Variants in FKBP8 observed in about 807,000 individuals in gnomAD.
The protein encoded by FKBP8 is FKBP prolyl isomerase 8, also known as peptidyl-prolyl cis-trans isomerase FKBP8.
A neutral mutation model predicts 41.7 loss-of-function variants in FKBP8; 5 were observed. The observed-to-expected ratio is 0.12, with a 90% confidence interval of 0.06 to 0.25. The LOEUF (loss-of-function observed/expected upper bound fraction) is 0.25. FKBP8 is among the 10% of genes least tolerant of loss of function. The pLI is 1.00. For missense variants in FKBP8, 397 were observed against 563.0 expected (o/e 0.71, Z 2.98); for synonymous variants, 279 against 254.5 (o/e 1.10, Z -0.92).
chr19:18,537,914 T>C lies in FKBP8; in HGVS notation c.773-141A>G, dbSNP rs537997919. On this transcript the variant is annotated intron_variant, in intron 5 of 8. Coordinates refer to ENST00000608443, the MANE Select transcript of FKBP8 (RefSeq NM_012181.5). The surrounding 1 kb of genome is among the most constrained non-coding windows in gnomAD (Gnocchi z 4.4). ...ACCAAGGGCCACGCTTTCCTGGGGC[T>C]CTCCTGAGGAAGCTACAAGATGGAG... is the stretch of plus-strand genomic sequence containing the variant. 6.2e-5 allele frequency: 56 copies of C among 896,656 alleles called. No homozygotes were observed. The African/African-American group carries it at 8.7e-4, about 14-fold the overall frequency. The allele number at this position is 896,656 out of a possible 1,614,324, so 55.5% of individuals were successfully genotyped here.
rs1487046154 is a variant in FKBP8, at chr19:18,538,798, C to A, written c.552-362G>T. 6.6e-6 allele frequency among the ~76,000 whole-genome samples: 1 copy of A among 150,750 alleles called. No individual in the cohort carries two copies. ...CAGTAGCTGGGACTACAGGTGTGCA[C>A]CACACCCAGCTTTTTTTTTTTTTTT... On this transcript the variant is annotated intron_variant, in intron 4 of 8. Coordinates refer to ENST00000608443, the MANE Select transcript of FKBP8 (RefSeq NM_012181.5). The surrounding 1 kb of genome is among the most constrained non-coding windows in gnomAD (Gnocchi z 4.0).
chr19:18,535,045 A>C (rs1976542365), intron 6 of FKBP8, among the ~76,000 whole-genome samples: 1 of 152,060 alleles, frequency 6.6e-6, no homozygotes, highest in African/African-American at 2.4e-5. Context: ...TCAGCCTCCC[A>C]AAGTGCTGGT....
intron 1 of FKBP8, among the ~76,000 whole-genome samples, chr19:18,542,658 G>A (rs1976732179): frequency 6.6e-6 from 1 of 151,768 alleles, no homozygotes; most frequent in African/African-American, 2.4e-5. Flanking sequence ...AGGGACCCTG[G>A]CCCAAATCCT....
rs1320205560 is a variant in FKBP8 at position 18,538,704 on chromosome 19, G to A, written c.552-268C>T. Among the ~76,000 whole-genome samples the A allele has an allele frequency of 6.6e-6, 1 of 151,934 alleles. No individual in the cohort carries two copies. Among genetic ancestry groups the A allele is most frequent in the African/African-American group, 2.4e-5 (1 of 41,338 alleles). On this transcript the variant is annotated intron_variant, in intron 4 of 8. Coordinates refer to ENST00000608443, the MANE Select transcript of FKBP8 (RefSeq NM_012181.5). This position sits in a 1 kb window ranked among gnomAD's most constrained non-coding sequence, Gnocchi z 4.0. ...ACTCTGTTGCCCGGGCTGGAGTGCAGTGGTGCAATCTTGGCTCACTGCAGC... is the reference window on the plus strand; with the variant it reads ...ACTCTGTTGCCCGGGCTGGAGTGCAATGGTGCAATCTTGGCTCACTGCAGC...
Position 18,538,572 on chromosome 19 carries a change from T to A in FKBP8, c.552-136A>T. 2.8e-6 allele frequency: 2 copies of A among 715,052 alleles called. No homozygotes were observed. Among genetic ancestry groups the A allele is most frequent in the Non-Finnish European group, 4.5e-6 (2 of 442,158 alleles). The allele number at this position is 715,052 out of a possible 1,614,324, so 44.3% of individuals were successfully genotyped here. Reference sequence around the variant, plus strand: ...CTGCCCTCCATCATTCCCTCCTCAGTAAAGTGCAGGGGAAGTGACTTGCCG... The same window carrying A: ...CTGCCCTCCATCATTCCCTCCTCAGAAAAGTGCAGGGGAAGTGACTTGCCG... On this transcript the variant is annotated intron_variant, in intron 4 of 8. Transcript: ENST00000608443. The surrounding 1 kb of genome is among the most constrained non-coding windows in gnomAD (Gnocchi z 4.0).
At chr19:18,539,048 TCATGATC>T (rs149174950) in intron 4 of FKBP8, among the ~76,000 whole-genome samples, 3,854 of 152,066 alleles carry the variant, frequency 0.025, 143 homozygotes, top group African/African-American at 0.087. Flanking sequence ...TCTCCTGACC[TCATGATC>T]CACCCGCCTT....
chr19:18,540,617 A>G (rs1458216415), intron 2 of FKBP8, among the ~76,000 whole-genome samples: 1 of 152,094 alleles, frequency 6.6e-6, no homozygotes, highest in African/African-American at 2.4e-5. Flanking sequence ...CACACCTGTA[A>G]TCTCAGCACT....
chr19:18,539,000 G>A lies in FKBP8; in HGVS notation c.551+371C>T, dbSNP rs571352390. Reference sequence around the variant, plus strand: ...TGGCTAATTTTTTGTATTTTTAGTAGAGACGGGGTTTCACCGTGCTAGCCA... The same window carrying A: ...TGGCTAATTTTTTGTATTTTTAGTAAAGACGGGGTTTCACCGTGCTAGCCA... On this transcript the variant is annotated intron_variant, in intron 4 of 8. Coordinates refer to ENST00000608443, the MANE Select transcript of FKBP8 (RefSeq NM_012181.5). The surrounding 1 kb of genome is among the most constrained non-coding windows in gnomAD (Gnocchi z 4.0). Among the ~76,000 whole-genome samples the A allele has an allele frequency of 6.6e-6, 1 of 152,056 alleles. No individual in the cohort carries two copies. Among genetic ancestry groups the A allele is most frequent in the East Asian group, 1.9e-4 (1 of 5,164 alleles).
Position 18,537,588 on chromosome 19 carries a change from C to A in FKBP8, c.945+13G>T. Reference sequence around the variant, plus strand: ...GGCTGAGTGACCCGGCCTGGCACCCCGGTGTGGCCTACCTTGCCCTTGCGG... The same window carrying A: ...GGCTGAGTGACCCGGCCTGGCACCCAGGTGTGGCCTACCTTGCCCTTGCGG... On this transcript the variant is annotated intron_variant, in intron 6 of 8. Coordinates refer to ENST00000608443, the MANE Select transcript of FKBP8 (RefSeq NM_012181.5). The surrounding 1 kb of genome is among the most constrained non-coding windows in gnomAD (Gnocchi z 4.4). The A allele has an allele frequency of 6.4e-7, 1 of 1,572,680 alleles. No individual in the cohort carries two copies. Among genetic ancestry groups the A allele is most frequent in the Non-Finnish European group, 8.6e-7 (1 of 1,156,596 alleles).
At chr19:18,535,071 C>CA (rs1976542887) in intron 6 of FKBP8, among the ~76,000 whole-genome samples, 1 of 152,144 alleles carries the variant, frequency 6.6e-6, no homozygotes, top group Non-Finnish European at 1.5e-5. Context: ...AGGCATGAGC[C>CA]ACCGCTCCAG....
rs1433232980 is a variant in FKBP8 at position 18,537,702 on chromosome 19, A to C, written c.844T>G (p.Ser282Ala). Residue 282 changes from serine to alanine, a missense_variant, in exon 6 of 9, where the codon TCG becomes GCG. Physicochemically the swap from Ser to Ala is moderately conservative, Grantham distance 99. Coordinates refer to ENST00000608443, the MANE Select transcript of FKBP8 (RefSeq NM_012181.5). The surrounding 1 kb of genome is among the most constrained non-coding windows in gnomAD (Gnocchi z 4.4). ...KVKCLNNLAA[S>A]QLKLDHYRAA... Reference sequence around the variant, plus strand: ...CGGTAGTGGTCGAGCTTCAGCTGCGAGGCCGCCAGGTTGTTCAGACACTTC... The same window carrying C: ...CGGTAGTGGTCGAGCTTCAGCTGCGCGGCCGCCAGGTTGTTCAGACACTTC... The C allele has an allele frequency of 3.7e-6, 6 of 1,613,872 alleles. No individual in the cohort carries two copies. Among genetic ancestry groups the C allele is most frequent in the Non-Finnish European group, 5.1e-6 (6 of 1,179,970 alleles).
intron 6 of FKBP8, among the ~76,000 whole-genome samples, chr19:18,534,881 G>A (rs1032613414): frequency 6.6e-6 from 1 of 151,788 alleles, no homozygotes; most frequent in African/African-American, 2.4e-5. Context: ...TCTGCCTCCC[G>A]GGTTCACGCC....
intron 6 of FKBP8, among the ~76,000 whole-genome samples, chr19:18,534,705 C>T (rs1025057991): frequency 5.3e-5 from 8 of 152,056 alleles, no homozygotes; most frequent in Non-Finnish European, 2.9e-5. Context: ...CCTCAGCCTC[C>T]CGAGGAGCTG....
chr19:18,538,109 G>T lies in FKBP8; in HGVS notation c.772+107C>A. 1 of 1,211,050 alleles carries T rather than the reference G, an allele frequency of 8.3e-7. No individual in the cohort carries two copies. Among genetic ancestry groups the T allele is most frequent in the Non-Finnish European group, 1.2e-6 (1 of 852,834 alleles). The allele number at this position is 1,211,050 out of a possible 1,614,324, so 75.0% of individuals were successfully genotyped here. A position where few individuals can be genotyped will look rare whatever the true frequency, so the allele number is the denominator to read the frequency against. ...AGTTGGGGATCTACCCATATTCTGG[G>T]CTATTCTAGAATATTCTGAGTCTGA... On this transcript the variant is annotated intron_variant, in intron 5 of 8. Transcript: ENST00000608443. This position sits in a 1 kb window ranked among gnomAD's most constrained non-coding sequence, Gnocchi z 4.0.
chr19:18,534,199 C>A (rs567343977), intron 6 of FKBP8, among the ~76,000 whole-genome samples: 1 of 151,338 alleles, frequency 6.6e-6, no homozygotes, highest in Admixed American at 6.6e-5. Flanking sequence ...CCCAGCTACT[C>A]GGGAGGCTGA....
At chr19:18,542,974 G>A (rs1330269619) in intron 1 of FKBP8, 1 of 1,083,864 alleles carries the variant, frequency 9.2e-7, no homozygotes, top group South Asian at 1.5e-5. Flanking sequence ...GCACAATTCG[G>A]CCTCCCCTCC....
chr19:18,542,040 C>T (rs1378891124), intron 1 of FKBP8, 45 bp from the exon 2 acceptor site: 2 of 1,560,914 alleles, frequency 1.3e-6, no homozygotes, highest in African/African-American at 1.3e-5. Context: ...CTACACAGCC[C>T]CTCAAAGTCT....
chr19:18,541,574 T>C, intron 2 of FKBP8, 105 bp downstream of exon 2: 1 of 1,478,058 alleles, frequency 6.8e-7, no homozygotes, highest in East Asian at 2.3e-5. Flanking sequence ...GTGATCACGG[T>C]GGTGACCACG....
At chr19:18,542,057 T>C in intron 1 of FKBP8, 62 bp from the exon 2 acceptor site, 2 of 1,530,638 alleles carry the variant, frequency 1.3e-6, no homozygotes, top group South Asian at 2.5e-5. Flanking sequence ...GTCTCCACTG[T>C]ACTGATTCCC....
Sources: gnomAD v4.1 joint callset for allele counts (sites outside exome capture counted in the v4.1 genomes callset) on GRCh38, gnomAD v4.1.1 for gene constraint, Gnocchi (gnomAD v3.1) non-coding constraint, MANE v1.5 for transcripts, NCBI Gene and HGNC (gene_info 2026-07-23, HGNC 2026-07-21) for gene names.